The following ZFR2 variants were observed in gnomAD, a reference collection of about 807,000 sequenced individuals.
ZFR2 encodes zinc finger RNA-binding protein 2.
ZFR2 carries 104 observed loss-of-function variants against 105.7 expected under a neutral mutation model. That is an observed-to-expected ratio of 0.98 (90% CI 0.84 to 1.16). The LOEUF (loss-of-function observed/expected upper bound fraction) is 1.16. ZFR2 is among the 50% of genes most tolerant of loss of function. The pLI is 0.00. For missense variants in ZFR2, 1,425 were observed against 1,355.5 expected, an observed-to-expected ratio of 1.05 and a Z score of -0.80; for synonymous variants, 634 against 597.7, an observed-to-expected ratio of 1.06 and a Z score of -0.89.
chr19:3,822,548 A>G (rs2037907402), intron 8 of ZFR2, among the ~76,000 whole-genome samples: 1 of 152,006 alleles, frequency 6.6e-6, no homozygotes. Flanking sequence ...CTCTACAAAA[A>G]AAATAAAAAA....
chr19:3,813,620 C>T lies in ZFR2; in HGVS notation c.2242+200G>A, dbSNP rs903706108. On this transcript the variant is annotated intron_variant, in intron 14 of 18. Coordinates refer to ENST00000262961, the MANE Select transcript of ZFR2 (RefSeq NM_015174.2). This position sits in a 1 kb window ranked among gnomAD's most constrained non-coding sequence, Gnocchi z 4.4. ...GCTCTGAGCCCATCTGATGCTGTCACCGACTCGCCGCCTCTGCTGCCCGGA... is the reference window on the plus strand; with the variant it reads ...GCTCTGAGCCCATCTGATGCTGTCATCGACTCGCCGCCTCTGCTGCCCGGA... 3.9e-5 allele frequency among the ~76,000 whole-genome samples: 6 copies of T among 152,220 alleles called. No homozygotes were observed. Among genetic ancestry groups the T allele is most frequent in the African/African-American group, 1.4e-4 (6 of 41,460 alleles).
At chr19:3,849,144 G>A (rs976660495) in intron 1 of ZFR2, among the ~76,000 whole-genome samples, 2 of 152,230 alleles carry the variant, frequency 1.3e-5, no homozygotes, top group Non-Finnish European at 2.9e-5. Flanking sequence ...CCTCCAACCT[G>A]GAGGCCCAGG....
intron 9 of ZFR2, 143 bp from the exon 10 acceptor site, chr19:3,821,622 T>C: frequency 2.7e-6 from 2 of 743,588 alleles, no homozygotes; most frequent in Non-Finnish European, 3.8e-6. Flanking sequence ...TTTTTTTTTT[T>C]TTTTTTTCGA....
chr19:3,827,701 C>A (rs2037967492), intron 5 of ZFR2, 48 bp from the exon 6 acceptor site: 2 of 1,548,792 alleles, frequency 1.3e-6, no homozygotes, highest in East Asian at 4.9e-5. Context: ...TGCACACTGG[C>A]CACTGTCCCC....
intron 1 of ZFR2, among the ~76,000 whole-genome samples, chr19:3,865,617 G>A (rs568727521): frequency 1.3e-5 from 2 of 152,168 alleles, no homozygotes; most frequent in East Asian, 1.9e-4. Flanking sequence ...CTTGGCCTTC[G>A]AAAGTGCTGG....
intron 1 of ZFR2, among the ~76,000 whole-genome samples, chr19:3,836,416 C>T (rs1284541694): frequency 6.6e-6 from 1 of 152,120 alleles, no homozygotes; most frequent in Non-Finnish European, 1.5e-5. Context: ...CCTCAACTTC[C>T]CAAGCTCAAG....
rs1432882403 is a variant in ZFR2, at chr19:3,809,346, TC to T, written c.2434-364del. Among the ~76,000 whole-genome samples, 3 of 151,956 alleles carry T rather than the reference TC, an allele frequency of 2.0e-5. 1 individual carries two copies. The East Asian group carries it at 5.8e-4, about 29-fold the overall frequency. ...TCTGAGCCTCAGTTTCCCCGGCCGG[TC>T]CACAGTGACATCACATGCCAGTGTC... is the stretch of plus-strand genomic sequence containing the variant. On this transcript the variant is annotated intron_variant, in intron 16 of 18. Transcript: ENST00000262961.
At chr19:3,868,660 A>ACAGGCC (rs949500981) in intron 1 of ZFR2, among the ~76,000 whole-genome samples, 37 of 101,212 alleles carry the variant, frequency 3.7e-4, no homozygotes, top group African/African-American at 1.3e-3. Flanking sequence ...CCGACCCCGC[A>ACAGGCC]CAGGCCCAGG....
intron 13 of ZFR2, among the ~76,000 whole-genome samples, chr19:3,814,510 T>C (rs182843421): frequency 5.3e-5 from 8 of 152,266 alleles, no homozygotes; most frequent in Admixed American, 5.2e-4. Context: ...CGCACCTCTC[T>C]CCCCATCCTC....
chr19:3,805,196 T>A lies in ZFR2; in HGVS notation c.*753A>T, dbSNP rs1332881124. 4 of 151,720 alleles carry A rather than the reference T, an allele frequency of 2.6e-5. No homozygotes were observed. The highest frequency in any genetic ancestry group is 5.9e-5 in the Non-Finnish European group (4 of 67,916). The allele number at this position is 151,720 out of a possible 1,614,324, so 9.4% of individuals were successfully genotyped here. A position where few individuals can be genotyped will look rare whatever the true frequency, so the allele number is the denominator to read the frequency against. On this transcript the variant is annotated 3_prime_UTR_variant, in exon 19 of 19. Transcript: ENST00000262961. ...CCAGAGGAAGTATTTTAAAACCCCTTCCTGTACCACGAGGTGAGTTTAGAG... is the reference window on the plus strand; with the variant it reads ...CCAGAGGAAGTATTTTAAAACCCCTACCTGTACCACGAGGTGAGTTTAGAG...
chr19:3,857,853 A>G (rs967683615), intron 1 of ZFR2, among the ~76,000 whole-genome samples: 2 of 152,120 alleles, frequency 1.3e-5, no homozygotes, highest in African/African-American at 4.8e-5. Flanking sequence ...TGCCATCTCC[A>G]TGACAACAAG....
Position 3,834,024 on chromosome 19 carries a change from G to A in ZFR2, c.265-246C>T, listed in dbSNP as rs2038049204. Among the ~76,000 whole-genome samples, 1 of 152,180 alleles carries A rather than the reference G, an allele frequency of 6.6e-6. No individual in the cohort carries two copies. The highest frequency in any genetic ancestry group is 2.4e-5 in the African/African-American group (1 of 41,430). On this transcript the variant is annotated intron_variant, in intron 2 of 18. Coordinates refer to ENST00000262961, the MANE Select transcript of ZFR2 (RefSeq NM_015174.2). This position sits in a 1 kb window ranked among gnomAD's most constrained non-coding sequence, Gnocchi z 5.3. ...GACACTAATTTCCAAGAGTTCGACT[G>A]CAATTTACAAGAGGACGCTTGGTGC...
At chr19:3,854,798 C>A (rs1036852716) in intron 1 of ZFR2, among the ~76,000 whole-genome samples, 1 of 152,232 alleles carries the variant, frequency 6.6e-6, no homozygotes, top group Non-Finnish European at 1.5e-5. Context: ...GGGTCTCGCT[C>A]TGTCACCCTG....
intron 3 of ZFR2, among the ~76,000 whole-genome samples, chr19:3,832,920 G>A (rs936340793): frequency 1.3e-5 from 2 of 151,466 alleles, no homozygotes; most frequent in African/African-American, 4.8e-5. Context: ...GATTACAGGC[G>A]TGAGCCACCG....
At chr19:3,820,521 G>A (rs966162207) in intron 10 of ZFR2, among the ~76,000 whole-genome samples, 1 of 152,222 alleles carries the variant, frequency 6.6e-6, no homozygotes, top group Admixed American at 6.5e-5. Context: ...GGCCCAGCCC[G>A]GGCAGCCATG....
At chr19:3,863,100 C>T (rs2038390834) in intron 1 of ZFR2, among the ~76,000 whole-genome samples, 1 of 152,200 alleles carries the variant, frequency 6.6e-6, no homozygotes, top group South Asian at 2.1e-4. Flanking sequence ...CGGGGTTGGC[C>T]TTGGTGGGTG....
At chr19:3,818,904 C>T in intron 12 of ZFR2, 141 bp downstream of exon 12, 2 of 1,061,844 alleles carry the variant, frequency 1.9e-6, no homozygotes, top group East Asian at 2.6e-5. Context: ...GAACTTCCTA[C>T]TCCTGGGGCT....
chr19:3,864,475 A>G (rs2038408189), intron 1 of ZFR2, among the ~76,000 whole-genome samples: 1 of 152,270 alleles, frequency 6.6e-6, no homozygotes, highest in South Asian at 2.1e-4. Context: ...CTCAGATTTA[A>G]CAAGAATGCA....
intron 1 of ZFR2, among the ~76,000 whole-genome samples, chr19:3,868,511 G>A (rs952422548): frequency 2.6e-5 from 4 of 151,024 alleles, no homozygotes; most frequent in Non-Finnish European, 4.4e-5. Context: ...CCACTCCCCG[G>A]CCAGGCACCT....
Sources: gnomAD v4.1 joint callset for allele counts (sites outside exome capture counted in the v4.1 genomes callset) on GRCh38, gnomAD v4.1.1 for gene constraint, Gnocchi (gnomAD v3.1) non-coding constraint, MANE v1.5 for transcripts, NCBI Gene and HGNC (gene_info 2026-07-23, HGNC 2026-07-21) for gene names.